Variants in CBL observed in about 807,000 individuals in gnomAD.
CBL encodes E3 ubiquitin-protein ligase CBL.
In CBL, 45 loss-of-function variants were observed where a neutral mutation model predicts 96.9. The observed-to-expected ratio is 0.46, with a 90% confidence interval of 0.37 to 0.60. CBL has a LOEUF of 0.60. Ranked by LOEUF, CBL falls within the 20% of genes least tolerant of loss-of-function variation. The pLI is 0.00. For missense variants in CBL, 1,024 were observed against 1,143.5 expected, an observed-to-expected ratio of 0.90 and a Z score of 1.51; for synonymous variants, 420 against 426.8, an observed-to-expected ratio of 0.98 and a Z score of 0.20.
At chr11:119,275,888 A>G in intron 5 of CBL, 109 bp from the exon 6 acceptor site, 7 of 1,088,544 alleles carry the variant, frequency 6.4e-6, no homozygotes, top group Non-Finnish European at 1.0e-5. Context: ...AAAGGAAGAA[A>G]GTTATTGTTA....
chr11:119,249,525 G>A (rs568595259), intron 2 of CBL, among the ~76,000 whole-genome samples: 62 of 145,574 alleles, frequency 4.3e-4, no homozygotes, highest in Non-Finnish European at 7.4e-4. Context: ...GCACTCCAGC[G>A]TGGGTGACAG....
At chr11:119,295,444 G>T (rs1348965140) in intron 12 of CBL, among the ~76,000 whole-genome samples, 1 of 152,186 alleles carries the variant, frequency 6.6e-6, no homozygotes, top group African/African-American at 2.4e-5. Context: ...AACTAGGGAT[G>T]GGTGGGGTGA....
intron 1 of CBL, among the ~76,000 whole-genome samples, chr11:119,213,276 A>G (rs542148895): frequency 5.0e-4 from 76 of 152,294 alleles, no homozygotes; most frequent in African/African-American, 1.8e-3. Context: ...TATAGCATTT[A>G]ATTGGACTAC....
intron 12 of CBL, among the ~76,000 whole-genome samples, chr11:119,296,282 G>T (rs769850270): frequency 5.9e-5 from 9 of 152,078 alleles, no homozygotes; most frequent in Admixed American, 2.0e-4. Context: ...AATTTAGTGG[G>T]GTGTTTTTGT....
intron 2 of CBL, among the ~76,000 whole-genome samples, chr11:119,266,265 A>G (rs1250376744): frequency 6.6e-6 from 1 of 152,134 alleles, no homozygotes; most frequent in Non-Finnish European, 1.5e-5. Flanking sequence ...GTTACAAGAT[A>G]ACTTTTTCAG....
intron 9 of CBL, among the ~76,000 whole-genome samples, chr11:119,283,023 A>G (rs1218245198): frequency 6.6e-6 from 1 of 152,032 alleles, no homozygotes; most frequent in Non-Finnish European, 1.5e-5. Flanking sequence ...TGAGCCCAGG[A>G]GGTCAAGGCT....
rs959644599 is a variant in CBL, at chr11:119,300,559, T to C, written c.*778T>C. The C allele has an allele frequency of 2.5e-6, 1 of 399,548 alleles. No individual in the cohort carries two copies. The highest frequency in any genetic ancestry group is 2.1e-5 in the African/African-American group (1 of 48,644). 24.8% of individuals were successfully genotyped at this position (399,548 alleles called of 1,614,324 possible). A position where few individuals can be genotyped will look rare whatever the true frequency, so the allele number is the denominator to read the frequency against. On this transcript the variant is annotated 3_prime_UTR_variant, in exon 16 of 16. Transcript: ENST00000264033. ...GGGAGGAAAAGTACTGTTGCTACAC[T>C]ATTATAGGCATGTTTGATACTAGCA...
At position 119,206,604 on chromosome 11, in the gene CBL, A is replaced by T. The variant is rs1320130914; in HGVS notation, c.187A>T (p.Met63Leu). 1.0e-5 allele frequency: 16 copies of T among 1,547,420 alleles called. No homozygotes were observed. Among genetic ancestry groups the T allele is most frequent in the Non-Finnish European group, 1.4e-5 (16 of 1,145,796 alleles). ...GATGGTGGAGAAGTGCTGGAAGCTC[A>T]TGGACAAGGTGAAAGGCCGGCTGAG... ...KKMVEKCWKL[M>L]DKVVRLCQNP... Residue 63 changes from methionine (M) to leucine (L), a missense_variant, in exon 1 of 16, where the codon ATG becomes TTG. Met to Leu is a conservative substitution (Grantham distance 15, BLOSUM62 2). This residue lies in a region of CBL where 114 missense variants were observed against 117.4 expected (regional missense o/e 0.97). Transcript: ENST00000264033.
chr11:119,210,633 G>C (rs1949309090), intron 1 of CBL, among the ~76,000 whole-genome samples: 1 of 110,388 alleles, frequency 9.1e-6, no homozygotes, highest in Non-Finnish European at 1.7e-5. Context: ...TTTTTTACTA[G>C]AGACGGATTT....
intron 2 of CBL, among the ~76,000 whole-genome samples, chr11:119,266,540 C>T (rs1467513248): frequency 6.6e-6 from 1 of 151,898 alleles, no homozygotes; most frequent in Non-Finnish European, 1.5e-5. Context: ...AAATGCATAA[C>T]ATTGCTTTGG....
chr11:119,252,553 C>T (rs1949676752), intron 2 of CBL, among the ~76,000 whole-genome samples: 1 of 152,086 alleles, frequency 6.6e-6, no homozygotes, highest in Non-Finnish European at 1.5e-5. Flanking sequence ...ATATTAGATA[C>T]TCTTAAAATC....
At position 119,278,497 on chromosome 11, in the gene CBL, G is replaced by A. The variant is rs1477733237; in HGVS notation, c.1228-13G>A. The A allele has an allele frequency of 6.2e-7, 1 of 1,609,870 alleles. No homozygotes were observed. Among genetic ancestry groups the A allele is most frequent in the East Asian group, 2.2e-5 (1 of 44,854 alleles). ...TCAGATGCATCTGTTACTATCTTTT[G>A]CTTCTTCTGCAGGAATCAGAAGGTC... On this transcript the variant is annotated splice_polypyrimidine_tract_variant and intron_variant, in intron 8 of 15. Coordinates refer to ENST00000264033, the MANE Select transcript of CBL (RefSeq NM_005188.4).
chr11:119,284,745 GT>G (rs1227385706), intron 9 of CBL, among the ~76,000 whole-genome samples: 3 of 152,172 alleles, frequency 2.0e-5, no homozygotes, highest in African/African-American at 7.2e-5. Flanking sequence ...TGGGTATGGT[GT>G]TTCTGTGATT....
chr11:119,264,438 CTTCTT>C lies in CBL; in HGVS notation c.444-7295_444-7291del, dbSNP rs746156746. On this transcript the variant is annotated intron_variant, in intron 2 of 15. Coordinates refer to ENST00000264033, the MANE Select transcript of CBL (RefSeq NM_005188.4). ...CTTCTCTTCTCTTCTCTTCTCTTCTCTTCTTTCTCTTCTCTTCTCTTCTCTTTTCT... is the reference window on the plus strand; with the variant it reads ...CTTCTCTTCTCTTCTCTTCTCTTCTCTCTCTTCTCTTCTCTTCTCTTTTCT... 5.3e-4 allele frequency among the ~76,000 whole-genome samples: 50 copies of C among 93,696 alleles called. No individual in the cohort carries two copies. The East Asian group carries it at 0.018, about 34-fold the overall frequency. The allele number at this position is 93,696 out of a possible 152,430, so 61.5% of individuals were successfully genotyped here.
At chr11:119,243,460 G>C (rs982627608) in intron 2 of CBL, among the ~76,000 whole-genome samples, 1 of 150,144 alleles carries the variant, frequency 6.7e-6, no homozygotes, top group African/African-American at 2.5e-5. Context: ...CCTACTGTTA[G>C]GAATTTATCA....
rs1047417 is a variant in CBL, at chr11:119,301,826, A to G, written c.*2045A>G. ...GCCATCAACTTCTAACAGCCAGTAC[A>G]CACACTGTTTCATTTTGAGGTAACG... On this transcript the variant is annotated 3_prime_UTR_variant, in exon 16 of 16. Coordinates refer to ENST00000264033, the MANE Select transcript of CBL (RefSeq NM_005188.4). 0.25 allele frequency: 58,462 copies of G among 233,018 alleles called. 7,625 individuals are homozygous for G. The highest frequency in any genetic ancestry group is 0.35 in the East Asian group (5,851 of 16,578). 14.4% of individuals were successfully genotyped at this position (233,018 alleles called of 1,614,324 possible). A position where few individuals can be genotyped will look rare whatever the true frequency, so the allele number is the denominator to read the frequency against.
chr11:119,280,970 A>G (rs559619481), intron 9 of CBL, among the ~76,000 whole-genome samples: 5 of 152,260 alleles, frequency 3.3e-5, no homozygotes, highest in Admixed American at 6.5e-5. Flanking sequence ...TTCCTGGTAT[A>G]ATTATTTTTA....
intron 2 of CBL, among the ~76,000 whole-genome samples, chr11:119,248,472 G>T (rs1323688613): frequency 2.0e-5 from 3 of 152,058 alleles, no homozygotes; most frequent in Non-Finnish European, 2.9e-5. Flanking sequence ...CCTGCAGAAG[G>T]ATGGGCCAAA....
At chr11:119,251,749 T>C (rs1949671020) in intron 2 of CBL, among the ~76,000 whole-genome samples, 1 of 152,194 alleles carries the variant, frequency 6.6e-6, no homozygotes, top group Non-Finnish European at 1.5e-5. Context: ...GTGATAACTT[T>C]TGTAAAACTA....
Sources: allele counts gnomAD v4.1 joint callset (sites outside exome capture counted in the v4.1 genomes callset), GRCh38; gene constraint gnomAD v4.1.1; regional missense constraint gnomAD v4.1.1; transcripts MANE v1.5; gene names NCBI Gene and HGNC (gene_info 2026-07-23, HGNC 2026-07-21).